The following TTC7B variants were observed in gnomAD, a reference collection of about 807,000 sequenced individuals.
TTC7B encodes tetratricopeptide repeat domain 7B.
Under a neutral mutation model 106.8 loss-of-function variants are expected in TTC7B, and 28 were observed. That is an observed-to-expected ratio of 0.26 (90% CI 0.19 to 0.36). TTC7B has a LOEUF of 0.36. Ranked by LOEUF, TTC7B falls within the 10% of genes least tolerant of loss-of-function variation. The pLI is 1.00. For synonymous variants in TTC7B, 405 were observed against 430.6 expected, an observed-to-expected ratio of 0.94 and a Z score of 0.74; for missense variants, 862 against 1,076.4, an observed-to-expected ratio of 0.80 and a Z score of 2.79.
chr14:90,794,215 T>TC (rs1194376674), intron 1 of TTC7B, among the ~76,000 whole-genome samples: 1 of 34,744 alleles, frequency 2.9e-5, no homozygotes, highest in East Asian at 9.8e-4. Flanking sequence ...GTATTTCTTT[T>TC]TTTTTTTTTT....
chr14:90,746,622 T>C (rs1416449745), intron 3 of TTC7B, among the ~76,000 whole-genome samples: 1 of 152,220 alleles, frequency 6.6e-6, no homozygotes, highest in African/African-American at 2.4e-5. Context: ...CTGAATACAT[T>C]GGGCTTTATT....
chr14:90,595,147 C>T (rs1274134878), intron 17 of TTC7B, among the ~76,000 whole-genome samples: 1 of 152,116 alleles, frequency 6.6e-6, no homozygotes, highest in East Asian at 1.9e-4. Context: ...TCTTGGCTAA[C>T]ATGGTGAAAC....
At chr14:90,744,356 C>A in intron 4 of TTC7B, among the ~76,000 whole-genome samples, 1 of 152,044 alleles carries the variant, frequency 6.6e-6, no homozygotes. Flanking sequence ...CTCAATGGCC[C>A]AGGCTAGAGT....
intron 6 of TTC7B, among the ~76,000 whole-genome samples, chr14:90,690,739 C>A (rs1887438288): frequency 1.3e-5 from 2 of 152,200 alleles, no homozygotes. Flanking sequence ...CAGACAAAGA[C>A]TGCTGATCTT....
intron 5 of TTC7B, among the ~76,000 whole-genome samples, chr14:90,728,814 G>A (rs1889212950): frequency 1.3e-5 from 2 of 152,380 alleles, no homozygotes. Context: ...AGGTCAGAGA[G>A]AAGGAGGGCA....
At chr14:90,598,973 C>T (rs1892322712) in intron 17 of TTC7B, among the ~76,000 whole-genome samples, 3 of 152,080 alleles carry the variant, frequency 2.0e-5, no homozygotes, top group Admixed American at 6.6e-5. Flanking sequence ...CATGGTGAAA[C>T]CCTGTCTCTA....
intron 7 of TTC7B, among the ~76,000 whole-genome samples, chr14:90,688,935 CTCTG>C (rs1234598625): frequency 6.6e-6 from 1 of 152,186 alleles, no homozygotes; most frequent in African/African-American, 2.4e-5. Flanking sequence ...TCTCTCCCTC[CTCTG>C]TCTGGCTTCC....
chr14:90,726,660 C>T (rs946414665), intron 5 of TTC7B, among the ~76,000 whole-genome samples: 1 of 152,218 alleles, frequency 6.6e-6, no homozygotes, highest in African/African-American at 2.4e-5. Flanking sequence ...AGATAAAGAA[C>T]CTGAGACTCA....
intron 15 of TTC7B, among the ~76,000 whole-genome samples, chr14:90,639,615 A>C (rs996604457): frequency 2.6e-5 from 4 of 152,180 alleles, no homozygotes; most frequent in Non-Finnish European, 2.9e-5. Context: ...CCCTTTGAAA[A>C]ACAGTTTGGA....
intron 9 of TTC7B, among the ~76,000 whole-genome samples, chr14:90,667,495 A>T (rs1886457663): frequency 6.6e-6 from 1 of 152,194 alleles, no homozygotes; most frequent in African/African-American, 2.4e-5. Context: ...TTTAAACCCA[A>T]ATTAAGCAAA....
chr14:90,801,832 G>A (rs1595047803), intron 1 of TTC7B, among the ~76,000 whole-genome samples: 2 of 152,202 alleles, frequency 1.3e-5, no homozygotes, highest in African/African-American at 4.8e-5. Context: ...AAGGGGAAGG[G>A]GGTGGATCAC....
intron 5 of TTC7B, among the ~76,000 whole-genome samples, chr14:90,713,917 A>C (rs1023012641): frequency 6.6e-6 from 1 of 152,230 alleles, no homozygotes; most frequent in Non-Finnish European, 1.5e-5. Flanking sequence ...CCTCAACAAC[A>C]GTATGCCAAG....
At chr14:90,730,844 G>T (rs1323630785) in intron 4 of TTC7B, among the ~76,000 whole-genome samples, 3 of 152,182 alleles carry the variant, frequency 2.0e-5, no homozygotes, top group African/African-American at 7.2e-5. Context: ...CAGATAATGG[G>T]GTTTTTAAAG....
At chr14:90,699,262 G>A (rs1742100) in intron 5 of TTC7B, 306,233 of 451,668 alleles carry the variant, frequency 0.68, 104,811 homozygotes, top group East Asian at 0.93. Flanking sequence ...ATGGGAAGAA[G>A]GCCAGAGCTC....
intron 4 of TTC7B, among the ~76,000 whole-genome samples, chr14:90,739,253 T>G (rs1015654700): frequency 6.6e-6 from 1 of 152,258 alleles, no homozygotes; most frequent in East Asian, 1.9e-4. Flanking sequence ...CTATGAACTG[T>G]CCCCTTCTGG....
chr14:90,656,499 A>G lies in TTC7B; in HGVS notation c.1341+675T>C, dbSNP rs529710985. ...TCTGAACAAGAATATTTGAAGAAAA[A>G]CGCGTATGTGAAGGAATAGAAATGA... On this transcript the variant is annotated intron_variant, in intron 11 of 19. Transcript: ENST00000328459. Among the ~76,000 whole-genome samples, 79 of 152,316 alleles carry G rather than the reference A, an allele frequency of 5.2e-4. 1 individual carries two copies. In the South Asian group the frequency reaches 0.016, roughly 31 times the overall value.
At chr14:90,607,274 C>T (rs563881390) in intron 17 of TTC7B, among the ~76,000 whole-genome samples, 2 of 152,354 alleles carry the variant, frequency 1.3e-5, no homozygotes, top group Admixed American at 1.3e-4. Flanking sequence ...GATCCTGGGC[C>T]TGTGCCCCAG....
At chr14:90,791,010 T>C (rs56041340) in intron 1 of TTC7B, among the ~76,000 whole-genome samples, 8,805 of 152,068 alleles carry the variant, frequency 0.058, 304 homozygotes, top group Non-Finnish European at 0.068. Context: ...GGGATCAGAA[T>C]GCCCAGATGT....
At chr14:90,589,219 C>A (rs1310376710) in intron 18 of TTC7B, among the ~76,000 whole-genome samples, 2 of 152,178 alleles carry the variant, frequency 1.3e-5, no homozygotes, top group Admixed American at 6.5e-5. Flanking sequence ...ACCCCTTCAT[C>A]CATCACTTCC....
Sources: gnomAD v4.1 joint callset for allele counts (sites outside exome capture counted in the v4.1 genomes callset) on GRCh38, gnomAD v4.1.1 for gene constraint, MANE v1.5 for transcripts, NCBI Gene and HGNC (gene_info 2026-07-23, HGNC 2026-07-21) for gene names.